Variants in ZBTB11 observed in about 807,000 individuals in gnomAD.
ZBTB11 encodes the protein zinc finger and BTB domain-containing protein 11.
ZBTB11 carries 68 observed loss-of-function variants against 113.1 expected under a neutral mutation model. The observed-to-expected ratio is 0.60, with a 90% CI of 0.49 to 0.74. The LOEUF is 0.74. Among genes scored for constraint, ZBTB11 ranks in the 30% least tolerant of loss-of-function variants. The pLI is 0.00. For missense variants in ZBTB11, 1,104 were observed against 1,279.4 expected, an observed-to-expected ratio of 0.86 and a Z score of 2.09; for synonymous variants, 518 against 452.6, an observed-to-expected ratio of 1.14 and a Z score of -1.83.
chr3:101,675,696 C>G (rs1012477480), intron 1 of ZBTB11, among the ~76,000 whole-genome samples: 3 of 152,172 alleles, frequency 2.0e-5, no homozygotes, highest in East Asian at 3.8e-4. Flanking sequence ...TTTTGACAAT[C>G]AAAAAGTCAC....
chr3:101,651,525 T>C lies in ZBTB11; in HGVS notation c.2803A>G (p.Lys935Glu), dbSNP rs1378135622. ...DARTLRKHMT[K>E]FHRDYVPCKI... ...CAAGGCACATAGTCTCTGTGGAATT[T>C]AGTCATATGTTTACGGAGTGTTCGA... The change falls in exon 11 of 11, where the codon AAA (lysine) becomes GAA (glutamate). Residue 935 changes from lysine (K) to glutamate (E), a missense_variant. Lys to Glu is a moderately conservative substitution (Grantham distance 56). Around this residue, in one of 5 missense-constraint regions of ZBTB11, gnomAD observed 148 missense variants for 259.3 expected, o/e 0.57. Transcript: ENST00000312938. 1 of 1,614,214 alleles carries C rather than the reference T, an allele frequency of 6.2e-7. No individual in the cohort carries two copies. The highest frequency in any genetic ancestry group is 1.7e-5 in the Admixed American group (1 of 60,022).
intron 5 of ZBTB11, among the ~76,000 whole-genome samples, chr3:101,662,522 G>T (rs1936908948): frequency 6.6e-6 from 1 of 152,108 alleles, no homozygotes; most frequent in South Asian, 2.1e-4. Context: ...TACTCGGGAG[G>T]CTGAGGCAGA....
chr3:101,649,140 A>C lies in ZBTB11; in HGVS notation c.*2026T>G, dbSNP rs150623661. 1.3e-5 allele frequency: 2 copies of C among 152,266 alleles called. No homozygotes were observed. Among genetic ancestry groups the C allele is most frequent in the East Asian group, 3.9e-4 (2 of 5,170 alleles). 9.4% of individuals were successfully genotyped at this position (152,266 alleles called of 1,614,324 possible). The stretch of plus-strand genomic sequence containing the variant: ...GGTTTAGGGTTTATATGGATACAGG[A>C]TAGGAGGGCGTGGTGGGCCAAAAGG... On this transcript the variant is annotated 3_prime_UTR_variant, in exon 11 of 11. Coordinates refer to ENST00000312938, the MANE Select transcript of ZBTB11 (RefSeq NM_014415.4).
chr3:101,659,589 A>G (rs773564460), intron 6 of ZBTB11, among the ~76,000 whole-genome samples, 194 bp downstream of exon 6: 1 of 152,206 alleles, frequency 6.6e-6, no homozygotes, highest in Non-Finnish European at 1.5e-5. Flanking sequence ...AATAGATTCA[A>G]ATTACAACTT....
intron 6 of ZBTB11, among the ~76,000 whole-genome samples, chr3:101,657,718 C>T (rs557604566): frequency 2.0e-5 from 3 of 152,124 alleles, no homozygotes; most frequent in African/African-American, 7.2e-5. Context: ...GGCACAGTGG[C>T]TTATGCCTAT....
chr3:101,654,880 A>AT (rs538179699), intron 7 of ZBTB11, 59 bp from the exon 8 acceptor site: 45,789 of 1,125,458 alleles, frequency 0.041, 1 homozygote, highest in South Asian at 0.049. Flanking sequence ...TTTTAACAGA[A>AT]TTTTTTTTTT....
intron 8 of ZBTB11, among the ~76,000 whole-genome samples, 176 bp from the exon 9 acceptor site, chr3:101,653,114 T>C (rs775100331): frequency 6.6e-6 from 1 of 152,222 alleles, no homozygotes; most frequent in Non-Finnish European, 1.5e-5. Context: ...CTTTTCATCT[T>C]AAGACTACTA....
intron 6 of ZBTB11, among the ~76,000 whole-genome samples, chr3:101,657,362 C>G (rs1936816754): frequency 6.6e-6 from 1 of 151,570 alleles, no homozygotes; most frequent in South Asian, 2.1e-4. Context: ...AAAAATTAGC[C>G]AGGCGTGGTG....
At chr3:101,675,757 C>T (rs1029420485) in intron 1 of ZBTB11, among the ~76,000 whole-genome samples, 5 of 152,180 alleles carry the variant, frequency 3.3e-5, no homozygotes, top group African/African-American at 1.2e-4. Flanking sequence ...TTCCCAAACG[C>T]GTTTTTCACA....
chr3:101,654,607 C>T (rs1936762594), intron 8 of ZBTB11, 97 bp downstream of exon 8: 1 of 1,005,940 alleles, frequency 9.9e-7, no homozygotes, highest in East Asian at 2.4e-5. Flanking sequence ...CAAGAGTAAA[C>T]TGAAGTTACA....
chr3:101,665,402 G>A lies in ZBTB11; in HGVS notation c.1185C>T (p.Ala395=), dbSNP rs113195519. The change falls in exon 4 of 11, where the codon GCC becomes GCT. Residue 395 remains alanine (A), a synonymous_variant. Transcript: ENST00000312938. The stretch of plus-strand genomic sequence containing the variant: ...CAGCTATACATCCTACTGATGACAG[G>A]GCAGATTCAGCCTCTGAAGAAACCT... ...EPQVSSEAES[A]LSSVGCIADS... 46 of 1,614,100 alleles carry A rather than the reference G, an allele frequency of 2.8e-5. 1 individual carries two copies. In the African/African-American group the frequency reaches 3.6e-4, roughly 13 times the overall value.
chr3:101,664,146 G>A lies in ZBTB11; in HGVS notation c.1800+392C>T, dbSNP rs145059727. On this transcript the variant is annotated intron_variant, in intron 5 of 10. Coordinates refer to ENST00000312938, the MANE Select transcript of ZBTB11 (RefSeq NM_014415.4). ...CTACTAATTCCTGAGACATTTTGGT[G>A]GTTCTACAATTCAATTTGGGTTGAT... Among the ~76,000 whole-genome samples, 5 of 152,244 alleles carry A rather than the reference G, an allele frequency of 3.3e-5. No individual in the cohort carries two copies. The East Asian group carries it at 9.6e-4, about 29-fold the overall frequency.
At chr3:101,658,525 A>C (rs763467737) in intron 6 of ZBTB11, among the ~76,000 whole-genome samples, 15 of 151,952 alleles carry the variant, frequency 9.9e-5, no homozygotes, top group Admixed American at 1.3e-4. Context: ...TACCCGGCCA[A>C]TTAATTAATT....
At position 101,676,750 on chromosome 3, in the gene ZBTB11, G is replaced by A. The variant is rs1489604586; in HGVS notation, c.165C>T (p.His55=). The A allele has an allele frequency of 1.9e-6, 3 of 1,607,100 alleles. No individual in the cohort carries two copies. Among genetic ancestry groups the A allele is most frequent in the Admixed American group, 1.7e-5 (1 of 59,352 alleles). The change falls in exon 1 of 11, where the codon CAC becomes CAT. Residue 55 remains histidine, a synonymous_variant. Transcript: ENST00000312938. ...CCTCCAGCTCCGCGAAGGTCTTGCG[G>A]TGCCGCTGCCGCCGCTGGTAATACA... ...GTLYYQRRQR[H]RKTFAELEVV... is the part of the protein sequence containing the mutation.
At chr3:101,659,164 C>G (rs1461801768) in intron 6 of ZBTB11, among the ~76,000 whole-genome samples, 2 of 152,166 alleles carry the variant, frequency 1.3e-5, no homozygotes, top group Non-Finnish European at 2.9e-5. Context: ...GTTTAATCCT[C>G]TGGGAGATGG....
At chr3:101,672,795 G>A (rs1398300170) in intron 1 of ZBTB11, among the ~76,000 whole-genome samples, 5 of 152,308 alleles carry the variant, frequency 3.3e-5, no homozygotes, top group South Asian at 2.1e-4. Flanking sequence ...AGGCTTGACC[G>A]TGTGATTTGA....
Position 101,676,971 on chromosome 3 carries a change from C to T in ZBTB11, c.-57G>A. ...AGGGACAGGTGAGGAAAACGGCCCGCTACCTACGGGCGGCTGCAGGAGGAG... is the reference window on the plus strand; with the variant it reads ...AGGGACAGGTGAGGAAAACGGCCCGTTACCTACGGGCGGCTGCAGGAGGAG... On this transcript the variant is annotated 5_prime_UTR_variant, in exon 1 of 11. Transcript: ENST00000312938. 6.7e-7 allele frequency: 1 copy of T among 1,489,282 alleles called. No individual in the cohort carries two copies. The allele number at this position is 1,489,282 out of a possible 1,614,324, so 92.3% of individuals were successfully genotyped here. A position where few individuals can be genotyped will look rare whatever the true frequency, so the allele number is the denominator to read the frequency against.
chr3:101,659,528 T>C (rs1299922615), intron 6 of ZBTB11, among the ~76,000 whole-genome samples: 1 of 152,174 alleles, frequency 6.6e-6, no homozygotes, highest in Non-Finnish European at 1.5e-5. Context: ...AACTGGTTAT[T>C]TTTCACCCTA....
In ZBTB11 at chr3:101,665,510, C is replaced by A; in HGVS notation, c.1077G>T (p.Gly359=). 1 of 1,614,152 alleles carries A rather than the reference C, an allele frequency of 6.2e-7. No homozygotes were observed. The highest frequency in any genetic ancestry group is 8.5e-7 in the Non-Finnish European group (1 of 1,180,036). ...TTACCAGTAGTACAATTTCACAATC[C>A]CCAAGTTCAGTAGGTAAACTTGTTG... The part of the protein sequence containing the change: ...GTTTSLPTEL[G]DCEIVLLVNG... The change falls in exon 4 of 11, where the codon GGG becomes GGT. Residue 359 remains glycine (G), a synonymous_variant. Transcript: ENST00000312938.
Sources: gnomAD v4.1 joint callset for allele counts (sites outside exome capture counted in the v4.1 genomes callset) on GRCh38, gnomAD v4.1.1 for gene constraint, gnomAD v4.1.1 regional missense constraint, MANE v1.5 for transcripts, NCBI Gene and HGNC (gene_info 2026-07-23, HGNC 2026-07-21) for gene names.